ARHGAP6: variants seen among roughly 807,000 people sequenced by gnomAD.
ARHGAP6 encodes rho GTPase-activating protein 6.
A neutral mutation model predicts 55.7 loss-of-function variants in ARHGAP6; 16 were observed. The ratio of observed to expected loss-of-function variants is 0.29; its 90% CI spans 0.19 to 0.44. The LOEUF (loss-of-function observed/expected upper bound fraction) is 0.44. Ranked by LOEUF, ARHGAP6 falls within the 20% of genes least tolerant of loss-of-function variation. The pLI is 1.00. For missense variants in ARHGAP6, 698 were observed against 808.9 expected (o/e 0.86, Z 1.66); for synonymous variants, 382 against 360.9 (o/e 1.06, Z -0.66).
intron 1 of ARHGAP6, among the ~76,000 whole-genome samples, chrX:11,378,063 C>T (rs1379115361): frequency 9.0e-6 from 1 of 111,374 alleles, no homozygotes; most frequent in African/African-American, 3.3e-5. Flanking sequence ...CATGTGGGCA[C>T]CCCAATGGTT....
intron 1 of ARHGAP6, among the ~76,000 whole-genome samples, chrX:11,270,907 C>T (rs1602993894): frequency 8.9e-6 from 1 of 111,772 alleles, no homozygotes; most frequent in East Asian, 2.8e-4. Flanking sequence ...ATTTTAGGTG[C>T]CCAGGAGGGT....
chrX:11,357,779 T>A (rs1031959674), intron 1 of ARHGAP6, among the ~76,000 whole-genome samples: 3 of 111,906 alleles, frequency 2.7e-5, no homozygotes, highest in Non-Finnish European at 5.6e-5. Context: ...ACTAGGGATA[T>A]AGCGATTTAC....
chrX:11,663,495 T>C (rs987512696), intron 1 of ARHGAP6, among the ~76,000 whole-genome samples: 3 of 111,989 alleles, frequency 2.7e-5, no homozygotes, highest in African/African-American at 9.7e-5. Context: ...AATAGGTCAA[T>C]TCACTATTTT....
chrX:11,360,391 A>G (rs1316641913), intron 1 of ARHGAP6, among the ~76,000 whole-genome samples: 3 of 110,501 alleles, frequency 2.7e-5, no homozygotes, highest in Non-Finnish European at 3.8e-5. Flanking sequence ...TATAAACAGA[A>G]CCAAAGACAA....
chrX:11,153,940 T>G, intron 10 of ARHGAP6, among the ~76,000 whole-genome samples: 1 of 110,574 alleles, frequency 9.0e-6, no homozygotes, highest in Non-Finnish European at 1.9e-5. Context: ...ATTAGGTATA[T>G]CTCCTAATGC....
intron 1 of ARHGAP6, among the ~76,000 whole-genome samples, chrX:11,313,093 CTTCCAT>C (rs1241304509): frequency 8.9e-6 from 1 of 112,453 alleles, no homozygotes; most frequent in Non-Finnish European, 1.9e-5. Context: ...ACTGTTATTA[CTTCCAT>C]TTTACAATGA....
intron 1 of ARHGAP6, among the ~76,000 whole-genome samples, chrX:11,506,684 G>A (rs1300233149): frequency 9.0e-6 from 1 of 111,725 alleles, no homozygotes; most frequent in Non-Finnish European, 1.9e-5. Context: ...ATTGTGAATA[G>A]TGCCGCAATA....
At chrX:11,598,252 G>C (rs1045930467) in intron 1 of ARHGAP6, among the ~76,000 whole-genome samples, 2 of 112,091 alleles carry the variant, frequency 1.8e-5, no homozygotes, top group African/African-American at 6.5e-5. Flanking sequence ...GAGGATGAGT[G>C]GGGATGGGAA....
rs1183206029 is a variant in ARHGAP6, at chrX:11,138,842, G to GGGGCTCGGCTGGGTGC, written c.*5_*20dup. ...GGAGGGCGGGGGGCTCGGGGCAGGGGGGGCTCGGCTGGGTGCGGGCTCAGA... is the reference window on the plus strand; with the variant it reads ...GGAGGGCGGGGGGCTCGGGGCAGGGGGGGCTCGGCTGGGTGCGGGCTCGGCTGGGTGCGGGCTCAGA... On this transcript the variant is annotated 3_prime_UTR_variant, in exon 13 of 13. Coordinates refer to ENST00000337414, the MANE Select transcript of ARHGAP6 (RefSeq NM_013427.3). 1.7e-6 allele frequency: 2 copies of GGGGCTCGGCTGGGTGC among 1,165,620 alleles called. No individual in the cohort carries two copies. Among genetic ancestry groups the GGGGCTCGGCTGGGTGC allele is most frequent in the African/African-American group, 3.6e-5 (2 of 56,296 alleles).
intron 1 of ARHGAP6, among the ~76,000 whole-genome samples, chrX:11,360,547 A>G (rs2048996040): frequency 9.1e-6 from 1 of 109,306 alleles, no homozygotes; most frequent in Admixed American, 9.7e-5. Context: ...CACAGCCAAT[A>G]TCATACTAAA....
At chrX:11,604,408 G>A (rs981375179) in intron 1 of ARHGAP6, among the ~76,000 whole-genome samples, 1 of 111,681 alleles carries the variant, frequency 9.0e-6, no homozygotes, top group Non-Finnish European at 1.9e-5. Context: ...ATCAACAGTG[G>A]GAAACTGCCA....
rs867262546 is a variant in ARHGAP6 at position 11,254,624 on chromosome X, C to T, written c.672G>A (p.Arg224=). 8.3e-7 allele frequency: 1 copy of T among 1,209,946 alleles called. No homozygotes were observed. Among genetic ancestry groups the T allele is most frequent in the Non-Finnish European group, 1.1e-6 (1 of 895,079 alleles). The change falls in exon 2 of 13, where the codon AGG becomes AGA. Residue 224 remains arginine, a synonymous_variant. Transcript: ENST00000337414. ...AAAAAGCCACTTCCTGCAGCCGGGC[C>T]CTCTCCAGCTCTGAGAGACTCTGGA... ...VPIQSLSELE[R]ARLQEVAFYQ...
chrX:11,323,682 T>C (rs2048460829), intron 1 of ARHGAP6, among the ~76,000 whole-genome samples: 1 of 110,158 alleles, frequency 9.1e-6, no homozygotes, highest in Admixed American at 9.6e-5. Flanking sequence ...CTGGCCAACA[T>C]GGTGAAACCC....
intron 1 of ARHGAP6, among the ~76,000 whole-genome samples, chrX:11,393,222 A>G: frequency 9.0e-6 from 1 of 111,197 alleles, no homozygotes; most frequent in African/African-American, 3.3e-5. Flanking sequence ...TTAGTCTTTA[A>G]TTTTTCCTAT....
At chrX:11,427,500 C>T (rs1427504895) in intron 1 of ARHGAP6, 2 of 931,822 alleles carry the variant, frequency 2.1e-6, no homozygotes, top group African/African-American at 2.1e-5. Context: ...CCACCCGGAG[C>T]GGCCCAGTGG....
chrX:11,586,879 TC>T (rs1306654525), intron 1 of ARHGAP6, among the ~76,000 whole-genome samples: 1 of 111,980 alleles, frequency 8.9e-6, no homozygotes, highest in Non-Finnish European at 1.9e-5. Flanking sequence ...CTTGCAGAGA[TC>T]TTTCACCTCC....
At chrX:11,520,713 T>G (rs895048347) in intron 1 of ARHGAP6, among the ~76,000 whole-genome samples, 1 of 111,551 alleles carries the variant, frequency 9.0e-6, no homozygotes, top group Non-Finnish European at 1.9e-5. Flanking sequence ...TATTTCTACT[T>G]CTAGATCCCT....
chrX:11,511,727 A>G (rs1157852697), intron 1 of ARHGAP6, among the ~76,000 whole-genome samples: 1 of 111,568 alleles, frequency 9.0e-6, no homozygotes, highest in Non-Finnish European at 1.9e-5. Flanking sequence ...TGGAGGTGGT[A>G]ATCAACTCAT....
Position 11,395,327 on chromosome X carries a change from C to T in ARHGAP6, c.589-140620G>A, listed in dbSNP as rs1185572868. On this transcript the variant is annotated intron_variant, in intron 1 of 12. Coordinates refer to ENST00000337414, the MANE Select transcript of ARHGAP6 (RefSeq NM_013427.3). The stretch of plus-strand genomic sequence containing the variant: ...CAGGAAATAGTAAATTTTTCTATTA[C>T]ACCCTGTTTGCAAAGACAGCAACAT... Among the ~76,000 whole-genome samples the T allele has an allele frequency of 4.5e-5, 5 of 111,934 alleles. No homozygotes were observed. The Admixed American group carries it at 4.7e-4, about 11-fold the overall frequency.
Sources: gnomAD v4.1 joint callset for allele counts (sites outside exome capture counted in the v4.1 genomes callset) on GRCh38, gnomAD v4.1.1 for gene constraint, MANE v1.5 for transcripts, NCBI Gene and HGNC (gene_info 2026-07-23, HGNC 2026-07-21) for gene names.